The following BBOX1 variants were observed in gnomAD, a reference collection of about 807,000 sequenced individuals.
BBOX1 encodes the protein gamma-butyrobetaine hydroxylase 1.
BBOX1 carries 35 observed loss-of-function variants against 41.6 expected under a neutral mutation model. The observed-to-expected ratio is 0.84, with a 90% CI of 0.64 to 1.11. BBOX1 has a LOEUF of 1.11. Among genes scored for constraint, BBOX1 ranks in the 50% most tolerant of loss-of-function variants. BBOX1 has a pLI of 0.00. For synonymous variants in BBOX1, 163 were observed against 154.7 expected (o/e 1.05, Z -0.40); for missense variants, 458 against 460.6 (o/e 0.99, Z 0.05).
At chr11:27,043,204 C>A (rs1276708196) in intron 2 of BBOX1, among the ~76,000 whole-genome samples, 1 of 152,074 alleles carries the variant, frequency 6.6e-6, no homozygotes, top group East Asian at 1.9e-4. Context: ...GCTGGGACTA[C>A]AGGCGCCCGC....
At chr11:27,115,355 A>G in intron 5 of BBOX1, 97 bp from the exon 6 acceptor site, 1 of 973,070 alleles carries the variant, frequency 1.0e-6, no homozygotes. Context: ...CAAAAAATGA[A>G]AAGTTTCCAT....
At chr11:27,118,924 C>CAAAA (rs11396790) in intron 6 of BBOX1, among the ~76,000 whole-genome samples, 3 of 139,118 alleles carry the variant, frequency 2.2e-5, no homozygotes, top group African/African-American at 2.6e-5. Context: ...GTTCCTTCCT[C>CAAAA]AAAAAAAAAA....
intron 3 of BBOX1, among the ~76,000 whole-genome samples, chr11:27,056,422 T>C (rs1856982238): frequency 6.6e-6 from 1 of 152,058 alleles, no homozygotes; most frequent in Non-Finnish European, 1.5e-5. Flanking sequence ...CATGCCCGGC[T>C]AATTTTTGTA....
intron 2 of BBOX1, among the ~76,000 whole-genome samples, chr11:27,045,015 T>C (rs1193859629): frequency 1.3e-5 from 2 of 152,340 alleles, no homozygotes; most frequent in South Asian, 4.1e-4. Context: ...TAAATTACCT[T>C]GGGCAGTATG....
chr11:27,106,305 T>TGA (rs1554944313), intron 5 of BBOX1, among the ~76,000 whole-genome samples: 4 of 151,654 alleles, frequency 2.6e-5, no homozygotes, highest in African/African-American at 9.7e-5. Flanking sequence ...GCAAATTGGA[T>TGA]AGAGTCAAGA....
chr11:27,093,191 C>A lies in BBOX1; in HGVS notation c.358C>A (p.Leu120Ile). 6.2e-7 allele frequency: 1 copy of A among 1,612,198 alleles called. No individual in the cohort carries two copies. The change falls in exon 5 of 9, where the codon CTC (leucine) becomes ATC (isoleucine). Residue 120 changes from leucine (L) to isoleucine (I), a missense_variant. Leu to Ile is a conservative substitution (Grantham distance 5, BLOSUM62 2). Transcript: ENST00000263182. ...FPECQYWGSE[L>I]QLPTLDFEDV... ...AGAATGCCAATACTGGGGCTCAGAGCTCCAGCTACCCACTTTGGATTTTGA... is the reference window on the plus strand; with the variant it reads ...AGAATGCCAATACTGGGGCTCAGAGATCCAGCTACCCACTTTGGATTTTGA...
At position 27,067,588 on chromosome 11, in the gene BBOX1, G is replaced by C. The variant is rs186301440; in HGVS notation, c.334+10273G>C. Among the ~76,000 whole-genome samples the C allele has an allele frequency of 3.2e-4, 48 of 151,994 alleles. No homozygotes were observed. The East Asian group carries it at 8.4e-3, about 27-fold the overall frequency. On this transcript the variant is annotated intron_variant, in intron 4 of 8. Transcript: ENST00000263182. Reference sequence around the variant, plus strand: ...CTACTAAAAATACAGAAATTAGCCAGGCGTGGTGGCATGCGACTGTAGTCC... The same window carrying C: ...CTACTAAAAATACAGAAATTAGCCACGCGTGGTGGCATGCGACTGTAGTCC...
intron 5 of BBOX1, among the ~76,000 whole-genome samples, chr11:27,113,886 A>G (rs1293671901): frequency 6.6e-6 from 1 of 151,798 alleles, no homozygotes; most frequent in African/African-American, 2.4e-5. Flanking sequence ...GAGATTCAAC[A>G]TCGCACCAAT....
intron 5 of BBOX1, among the ~76,000 whole-genome samples, chr11:27,102,371 G>A (rs1437502207): frequency 6.6e-6 from 1 of 152,016 alleles, no homozygotes; most frequent in East Asian, 1.9e-4. Context: ...ATAGCTTAAT[G>A]AACTATCATA....
intron 4 of BBOX1, among the ~76,000 whole-genome samples, chr11:27,078,005 G>A (rs149401706): frequency 2.6e-5 from 4 of 152,080 alleles, no homozygotes; most frequent in African/African-American, 9.6e-5. Context: ...CTTCACTGGG[G>A]CTTTCCAATC....
intron 4 of BBOX1, among the ~76,000 whole-genome samples, chr11:27,058,861 A>G: frequency 6.6e-6 from 1 of 152,236 alleles, no homozygotes; most frequent in East Asian, 1.9e-4. Flanking sequence ...AGGAAAGCAG[A>G]GTGTAAAAGT....
chr11:27,091,640 T>C (rs1564974769), intron 4 of BBOX1, among the ~76,000 whole-genome samples: 1 of 151,968 alleles, frequency 6.6e-6, no homozygotes, highest in Non-Finnish European at 1.5e-5. Context: ...TGAAAAGCAA[T>C]GCTTAAAGAA....
intron 1 of BBOX1, 74 bp downstream of exon 1, chr11:27,041,102 T>C (rs1028891234): frequency 2.0e-5 from 3 of 152,146 alleles, no homozygotes; most frequent in African/African-American, 7.2e-5. Flanking sequence ...CCTGGGGTTT[T>C]GTGGTTTTGG....
At chr11:27,098,596 A>C (rs553627061) in intron 5 of BBOX1, among the ~76,000 whole-genome samples, 2 of 152,212 alleles carry the variant, frequency 1.3e-5, no homozygotes, top group Admixed American at 1.3e-4. Flanking sequence ...TTATCATACT[A>C]TAATTCTGGT....
Position 27,119,772 on chromosome 11 carries a change from A to G in BBOX1, c.763A>G (p.Thr255Ala), listed in dbSNP as rs1375577470. The change falls in exon 7 of 9, where the codon ACC (threonine) becomes GCC (alanine). Residue 255 changes from threonine to alanine, a missense_variant. By Grantham distance (58) the Thr-to-Ala change is moderately conservative. Transcript: ENST00000263182. The stretch of plus-strand genomic sequence containing the variant: ...TCAGGCATTCCAGATTTTGTCCTCT[A>G]CCTTTGTGGACTTTACAGACATTGG... ...NPQAFQILSS[T>A]FVDFTDIGVD... 6.2e-7 allele frequency: 1 copy of G among 1,602,530 alleles called. No individual in the cohort carries two copies. Among genetic ancestry groups the G allele is most frequent in the East Asian group, 2.3e-5 (1 of 44,026 alleles).
At chr11:27,082,729 G>T (rs891490484) in intron 4 of BBOX1, among the ~76,000 whole-genome samples, 5 of 152,072 alleles carry the variant, frequency 3.3e-5, no homozygotes, top group South Asian at 2.1e-4. Context: ...CCTTAGAAGG[G>T]TGCATGAAAT....
chr11:27,056,508 G>A (rs1230945744), intron 3 of BBOX1, among the ~76,000 whole-genome samples: 4 of 151,924 alleles, frequency 2.6e-5, no homozygotes, highest in South Asian at 4.2e-4. Context: ...TGCCTGCCTC[G>A]GCCTCCCAAA....
At chr11:27,046,045 C>T (rs965598869) in intron 2 of BBOX1, among the ~76,000 whole-genome samples, 6 of 152,148 alleles carry the variant, frequency 3.9e-5, no homozygotes, top group African/African-American at 1.4e-4. Context: ...CACTAATGAG[C>T]AGTGTGAGCC....
At chr11:27,046,403 T>C (rs1291174413) in intron 2 of BBOX1, 1 of 150,876 alleles carries the variant, frequency 6.6e-6, no homozygotes, top group African/African-American at 2.4e-5. Flanking sequence ...AGAAAAAATA[T>C]GGTAGGTGAA....
Sources: gnomAD v4.1 joint callset for allele counts (sites outside exome capture counted in the v4.1 genomes callset) on GRCh38, gnomAD v4.1.1 for gene constraint, MANE v1.5 for transcripts, NCBI Gene and HGNC (gene_info 2026-07-23, HGNC 2026-07-21) for gene names.